The following AGFG1 variants were observed in gnomAD, a reference collection of about 807,000 sequenced individuals.
The protein encoded by AGFG1 is ArfGAP with FG repeats 1.
A neutral mutation model predicts 60.6 loss-of-function variants in AGFG1; 10 were observed. The observed-to-expected ratio is 0.16, with a 90% confidence interval of 0.10 to 0.28. The LOEUF (loss-of-function observed/expected upper bound fraction) is 0.28, where lower values mean the gene tolerates loss of function less well. AGFG1 is among the 10% of genes least tolerant of loss of function. The pLI is 1.00. For synonymous variants in AGFG1, 247 were observed against 242.9 expected (o/e 1.02, Z -0.16); for missense variants, 537 against 676.5 (o/e 0.79, Z 2.29).
intron 2 of AGFG1, among the ~76,000 whole-genome samples, chr2:227,507,761 C>CA (rs1691369855): frequency 6.8e-6 from 1 of 146,470 alleles, no homozygotes. Context: ...AGATATGGTG[C>CA]ACCACCATTT....
chr2:227,511,865 A>G (rs13019694), intron 2 of AGFG1, among the ~76,000 whole-genome samples: 10,954 of 152,150 alleles, frequency 0.072, 522 homozygotes, highest in Admixed American at 0.11. Flanking sequence ...TGGTAGAGGG[A>G]TTATTGTCCC....
intron 2 of AGFG1, among the ~76,000 whole-genome samples, chr2:227,493,089 A>G (rs1690866408): frequency 6.6e-6 from 1 of 152,192 alleles, no homozygotes; most frequent in South Asian, 2.1e-4. Context: ...AAGTGAAAAT[A>G]TAACAATATG....
At chr2:227,534,533 C>T (rs113792043) in intron 7 of AGFG1, among the ~76,000 whole-genome samples, 6 of 152,244 alleles carry the variant, frequency 3.9e-5, no homozygotes, top group South Asian at 2.1e-4. Context: ...TTCATGTGAA[C>T]AAGATCCACC....
At chr2:227,550,798 T>A (rs1692795544) in intron 10 of AGFG1, among the ~76,000 whole-genome samples, 1 of 152,238 alleles carries the variant, frequency 6.6e-6, no homozygotes, top group South Asian at 2.1e-4. Context: ...ATTTAATTTC[T>A]GTGCCTTAAA....
Position 227,533,639 on chromosome 2 carries a change from C to T in AGFG1, c.905C>T (p.Ser302Phe), listed in dbSNP as rs188342400. 1.9e-5 allele frequency: 30 copies of T among 1,613,842 alleles called. No homozygotes were observed. Among genetic ancestry groups the T allele is most frequent in the Non-Finnish European group, 2.3e-5 (27 of 1,179,818 alleles). ...GCTGATTTTGGAACCTTCAATACTT[C>T]CCAGAGTCATCAAACAGCATCAGCT... is the stretch of plus-strand genomic sequence containing the variant. ...SSADFGTFNT[S>F]QSHQTASAVS... The change falls in exon 7 of 13, where the codon TCC (serine) becomes TTC (phenylalanine). Residue 302 changes from serine (S) to phenylalanine (F), a missense_variant. Coordinates refer to ENST00000310078, the MANE Select transcript of AGFG1 (RefSeq NM_004504.5).
intron 8 of AGFG1, 76 bp from the exon 9 acceptor site, chr2:227,536,549 T>G: frequency 8.0e-7 from 1 of 1,257,232 alleles, no homozygotes; most frequent in Non-Finnish European, 1.2e-6. Context: ...GTTCATTATT[T>G]TATGGCTACC....
At chr2:227,501,999 C>G (rs1456144684) in intron 2 of AGFG1, among the ~76,000 whole-genome samples, 1 of 152,116 alleles carries the variant, frequency 6.6e-6, no homozygotes, top group Non-Finnish European at 1.5e-5. Context: ...GCTGGGACTA[C>G]AGGTGCGTGC....
At chr2:227,475,425 G>A (rs1047267228) in intron 1 of AGFG1, among the ~76,000 whole-genome samples, 3 of 152,154 alleles carry the variant, frequency 2.0e-5, no homozygotes, top group Admixed American at 1.3e-4. Context: ...AGAATTCTTG[G>A]GATGTAGGGA....
intron 2 of AGFG1, among the ~76,000 whole-genome samples, chr2:227,515,808 C>T (rs887514026): frequency 1.3e-5 from 2 of 151,840 alleles, no homozygotes; most frequent in African/African-American, 4.8e-5. Context: ...AGTAAAAAAC[C>T]AAAACAAGCA....
intron 2 of AGFG1, among the ~76,000 whole-genome samples, chr2:227,497,289 G>T (rs1011350805): frequency 6.6e-6 from 1 of 151,686 alleles, no homozygotes; most frequent in African/African-American, 2.4e-5. Flanking sequence ...AACTCTTAAC[G>T]TTTCAGCTTG....
chr2:227,491,716 T>C, intron 2 of AGFG1, 76 bp downstream of exon 2: 1 of 841,452 alleles, frequency 1.2e-6, no homozygotes, highest in East Asian at 2.7e-5. Context: ...TAATAAGTTA[T>C]TTAAAACGTT....
chr2:227,527,577 A>G (rs1489136814), intron 5 of AGFG1, among the ~76,000 whole-genome samples: 1 of 152,176 alleles, frequency 6.6e-6, no homozygotes, highest in Non-Finnish European at 1.5e-5. Flanking sequence ...CATACATAGT[A>G]TTTGTGTTGG....
At chr2:227,531,263 T>C in intron 6 of AGFG1, 53 bp downstream of exon 6, 1 of 1,572,286 alleles carries the variant, frequency 6.4e-7, no homozygotes, top group East Asian at 2.3e-5. Flanking sequence ...AACAAAACTC[T>C]CTAAATGTAG....
chr2:227,492,954 G>A (rs1156875930), intron 2 of AGFG1, among the ~76,000 whole-genome samples: 1 of 152,058 alleles, frequency 6.6e-6, no homozygotes, highest in East Asian at 1.9e-4. Context: ...TGTTGGCTTA[G>A]TGTGCAAAAT....
Position 227,559,025 on chromosome 2 carries a change from A to G in AGFG1, c.*4530A>G, listed in dbSNP as rs1434371532. The stretch of plus-strand genomic sequence containing the variant: ...AGCATTTGAACACTTGTTTATTTTT[A>G]GAGATATACTGGGCACTGAGGTATT... On this transcript the variant is annotated 3_prime_UTR_variant, in exon 13 of 13. Transcript: ENST00000310078. 6.6e-6 allele frequency: 1 copy of G among 152,202 alleles called. No individual in the cohort carries two copies. Among genetic ancestry groups the G allele is most frequent in the East Asian group, 1.9e-4 (1 of 5,196 alleles). The allele number at this position is 152,202 out of a possible 1,614,324, so 9.4% of individuals were successfully genotyped here.
chr2:227,497,763 G>T (rs1383537593), intron 2 of AGFG1, among the ~76,000 whole-genome samples: 11 of 65,846 alleles, frequency 1.7e-4, no homozygotes, highest in African/African-American at 6.1e-4. Flanking sequence ...TTTTTTTTTG[G>T]GGACGGAGTC....
intron 1 of AGFG1, among the ~76,000 whole-genome samples, chr2:227,480,822 C>G (rs1690435157): frequency 6.6e-6 from 1 of 152,132 alleles, no homozygotes; most frequent in African/African-American, 2.4e-5. Flanking sequence ...AGCCACAAAG[C>G]TGAAAATGTT....
chr2:227,538,525 T>C (rs1692379947), intron 10 of AGFG1, among the ~76,000 whole-genome samples: 1 of 152,236 alleles, frequency 6.6e-6, no homozygotes. Flanking sequence ...AAATTATGTT[T>C]TGACTGAGCC....
At chr2:227,519,914 A>T in intron 2 of AGFG1, 34 bp from the exon 3 acceptor site, 1 of 1,310,098 alleles carries the variant, frequency 7.6e-7, no homozygotes. Flanking sequence ...GAAGATGTTG[A>T]ATTTAACATA....
Sources: gnomAD v4.1 joint callset for allele counts (sites outside exome capture counted in the v4.1 genomes callset) on GRCh38, gnomAD v4.1.1 for gene constraint, MANE v1.5 for transcripts, NCBI Gene and HGNC (gene_info 2026-07-23, HGNC 2026-07-21) for gene names.